Variants in RUSC2 observed in about 807,000 individuals in gnomAD.
The protein encoded by RUSC2 is AP-4 complex accessory subunit RUSC2.
In RUSC2, 34 loss-of-function variants were observed where a neutral mutation model predicts 122.2. That is an observed-to-expected ratio of 0.28 (90% CI 0.21 to 0.37). RUSC2 has a LOEUF of 0.37. Among genes scored for constraint, RUSC2 ranks in the 10% least tolerant of loss-of-function variants. The pLI is 1.00. For synonymous variants in RUSC2, 784 were observed against 790.0 expected, an observed-to-expected ratio of 0.99 and a Z score of 0.13; for missense variants, 1,747 against 1,952.4, an observed-to-expected ratio of 0.89 and a Z score of 1.98.
intron 1 of RUSC2, among the ~76,000 whole-genome samples, chr9:35,494,927 ATAAAATTTATATATAATATATAT>A (rs1315708313): frequency 7.6e-6 from 1 of 131,404 alleles, no homozygotes; most frequent in Non-Finnish European, 1.6e-5. Flanking sequence ...TACATATTAT[ATAAAATTTATATATAATATATAT>A]TATACATATA....
intron 1 of RUSC2, among the ~76,000 whole-genome samples, chr9:35,505,921 G>T (rs949987622): frequency 5.9e-5 from 9 of 152,118 alleles, no homozygotes; most frequent in African/African-American, 1.9e-4. Flanking sequence ...TTCTCTCTAA[G>T]ATCAGGAATA....
chr9:35,547,515 A>G lies in RUSC2; in HGVS notation c.994A>G (p.Lys332Glu), dbSNP rs1821782782. 1 of 1,614,092 alleles carries G rather than the reference A, an allele frequency of 6.2e-7. No individual in the cohort carries two copies. Among genetic ancestry groups the G allele is most frequent in the Non-Finnish European group, 8.5e-7 (1 of 1,180,020 alleles). The change falls in exon 2 of 12, where the codon AAG becomes GAG. Residue 332 changes from lysine (K) to glutamate (E), a missense_variant. By Grantham distance (56) the Lys-to-Glu change is moderately conservative (BLOSUM62 1). Transcript: ENST00000361226. The surrounding 1 kb of genome is among the most constrained non-coding windows in gnomAD (Gnocchi z 4.6). ...TCTGCAGCCCTCCCCATTTGAGTCT[A>G]AGATGTCTTATGAGTCCCATCACCC... is the stretch of plus-strand genomic sequence containing the variant. ...LDLQPSPFES[K>E]MSYESHHPES...
At position 35,555,980 on chromosome 9, in the gene RUSC2, G is replaced by A; in HGVS notation, c.2685G>A (p.Lys895=). ...NANHLSPQAL[K]WREYRRKNPL... is the part of the protein sequence containing the mutation. ...ACCACCTATCCCCTCAAGCCCTCAA[G>A]TGGCGGGAATACAGGAGGAAGAACC... Residue 895 remains lysine, a synonymous_variant, in exon 4 of 12, where the codon AAG becomes AAA. Transcript: ENST00000361226. This position sits in a 1 kb window ranked among gnomAD's most constrained non-coding sequence, Gnocchi z 4.6. 1 of 1,614,150 alleles carries A rather than the reference G, an allele frequency of 6.2e-7. No homozygotes were observed. Among genetic ancestry groups the A allele is most frequent in the South Asian group, 1.1e-5 (1 of 91,084 alleles).
chr9:35,535,771 A>G (rs888463784), intron 1 of RUSC2, among the ~76,000 whole-genome samples: 7 of 150,846 alleles, frequency 4.6e-5, no homozygotes, highest in African/African-American at 1.5e-4. Flanking sequence ...CAATCTCCTG[A>G]CCTCGTGATC....
chr9:35,494,620 C>T (rs1820638600), intron 1 of RUSC2, among the ~76,000 whole-genome samples: 1 of 151,890 alleles, frequency 6.6e-6, no homozygotes, highest in Non-Finnish European at 1.5e-5. Context: ...TATTCAAGTC[C>T]TTTGCCCATT....
intron 1 of RUSC2, among the ~76,000 whole-genome samples, chr9:35,521,163 C>G (rs1821207402): frequency 6.6e-6 from 1 of 152,082 alleles, no homozygotes; most frequent in African/African-American, 2.4e-5. Context: ...TTCCCTTGGG[C>G]TCCAGGTTTT....
intron 1 of RUSC2, among the ~76,000 whole-genome samples, chr9:35,537,897 G>A (rs750731910): frequency 8.5e-5 from 13 of 152,168 alleles, no homozygotes; most frequent in East Asian, 1.9e-4. Context: ...AGACCTCACC[G>A]CTACTTCCTG....
intron 1 of RUSC2, among the ~76,000 whole-genome samples, chr9:35,526,177 A>C (rs750951979): frequency 6.6e-6 from 1 of 152,164 alleles, no homozygotes; most frequent in Non-Finnish European, 1.5e-5. Flanking sequence ...AGGAAGACTC[A>C]GTAACCAATG....
chr9:35,560,189 G>A lies in RUSC2; in HGVS notation c.3549G>A (p.Gln1183=). Reference sequence around the variant, plus strand: ...AGCACCGGCTGCTGCAAAGTGGGCAGCAGCAGCGGCAGCACAAGGAACTGC... The same window carrying A: ...AGCACCGGCTGCTGCAAAGTGGGCAACAGCAGCGGCAGCACAAGGAACTGC... ...LFQHRLLQSG[Q]QQRQHKELLR... is the part of the protein sequence containing the mutation. Residue 1183 remains glutamine, a synonymous_variant, in exon 10 of 12, where the codon CAG becomes CAA. Transcript: ENST00000361226. 2 of 1,605,392 alleles carry A rather than the reference G, an allele frequency of 1.2e-6. No homozygotes were observed.
chr9:35,503,024 C>T (rs547353237), intron 1 of RUSC2, among the ~76,000 whole-genome samples: 5 of 152,100 alleles, frequency 3.3e-5, no homozygotes, highest in Middle Eastern at 3.4e-3. Flanking sequence ...CCATGGCCAA[C>T]TAATGTTTTG....
chr9:35,517,446 G>A (rs1012534520), intron 1 of RUSC2, among the ~76,000 whole-genome samples: 28 of 152,098 alleles, frequency 1.8e-4, no homozygotes, highest in African/African-American at 6.3e-4. Flanking sequence ...GTTCCAGTGA[G>A]TCCTGCTGCT....
At chr9:35,553,575 G>C (rs1254142411) in intron 2 of RUSC2, among the ~76,000 whole-genome samples, 3 of 152,244 alleles carry the variant, frequency 2.0e-5, no homozygotes, top group Non-Finnish European at 2.9e-5. Flanking sequence ...CGTAGTCAGA[G>C]AAGGTCTTAT....
Position 35,558,012 on chromosome 9 carries a change from G to C in RUSC2, c.3060+22G>C. ...GAAGGTAGGCAAGGAAATGTGGAGA[G>C]CTGAGCTCTGCCTGCAAGCCCTCAC... On this transcript the variant is annotated intron_variant, in intron 6 of 11. Coordinates refer to ENST00000361226, the MANE Select transcript of RUSC2 (RefSeq NM_014806.5). This position sits in a 1 kb window ranked among gnomAD's most constrained non-coding sequence, Gnocchi z 4.3. 2 of 1,611,106 alleles carry C rather than the reference G, an allele frequency of 1.2e-6. No individual in the cohort carries two copies. Among genetic ancestry groups the C allele is most frequent in the Non-Finnish European group, 1.7e-6 (2 of 1,177,232 alleles).
rs765335419 is a variant in RUSC2, at chr9:35,548,551, G to T, written c.2014+16G>T. The stretch of plus-strand genomic sequence containing the variant: ...AGAGCTGACGGTAAGGAGCCTAAGG[G>T]TTAGCAAATATGTGGCTATTCACCA... On this transcript the variant is annotated intron_variant, in intron 2 of 11. Coordinates refer to ENST00000361226, the MANE Select transcript of RUSC2 (RefSeq NM_014806.5). This position sits in a 1 kb window ranked among gnomAD's most constrained non-coding sequence, Gnocchi z 4.5. The T allele has an allele frequency of 3.2e-6, 5 of 1,586,946 alleles. No individual in the cohort carries two copies.
intron 1 of RUSC2, among the ~76,000 whole-genome samples, chr9:35,545,039 T>C (rs532678869): frequency 6.6e-5 from 10 of 152,338 alleles, no homozygotes; most frequent in African/African-American, 2.4e-4. Context: ...TGCTTAAATT[T>C]AACACAATTA....
At position 35,546,210 on chromosome 9, in the gene RUSC2, G is replaced by A. The variant is rs1170975053; in HGVS notation, c.-92-220G>A. Among the ~76,000 whole-genome samples, 1 of 152,178 alleles carries A rather than the reference G, an allele frequency of 6.6e-6. No individual in the cohort carries two copies. The highest frequency in any genetic ancestry group is 1.5e-5 in the Non-Finnish European group (1 of 68,030). On this transcript the variant is annotated intron_variant, in intron 1 of 11. Coordinates refer to ENST00000361226, the MANE Select transcript of RUSC2 (RefSeq NM_014806.5). This position sits in a 1 kb window ranked among gnomAD's most constrained non-coding sequence, Gnocchi z 4.3. ...CTTTTGTCATAATTTGATGCATAGTGACCTTAAAATTAAGGGGGACCTCAG... is the reference window on the plus strand; with the variant it reads ...CTTTTGTCATAATTTGATGCATAGTAACCTTAAAATTAAGGGGGACCTCAG...
At chr9:35,497,525 C>T (rs1820742781) in intron 1 of RUSC2, among the ~76,000 whole-genome samples, 2 of 152,186 alleles carry the variant, frequency 1.3e-5, no homozygotes, top group Non-Finnish European at 2.9e-5. Flanking sequence ...CTATATGCTA[C>T]TTCTCCTGAA....
Position 35,561,188 on chromosome 9 carries a change from C to T in RUSC2, c.4357C>T (p.Gln1453Ter), listed in dbSNP as rs1424744792. 2 of 1,614,006 alleles carry T rather than the reference C, an allele frequency of 1.2e-6. No individual in the cohort carries two copies. Among genetic ancestry groups the T allele is most frequent in the Non-Finnish European group, 1.7e-6 (2 of 1,179,960 alleles). Residue 1453 changes from glutamine to a stop codon, truncating the protein, a stop_gained, in exon 12 of 12, where the codon CAG becomes TAG. Coordinates refer to ENST00000361226, the MANE Select transcript of RUSC2 (RefSeq NM_014806.5). LOFTEE classifies it high-confidence loss of function. ...CATGTGCTGTTTCCCCAGTGAGGTG[C>T]AGGCACTGTGCCACCACCTGGCCAC... ...ALPSSPPCEV[Q>*]ALCHHLATGP... is the part of the protein sequence containing the mutation.
In RUSC2 at chr9:35,559,925, T is replaced by G. The variant is rs896610875; in HGVS notation, c.3389-104T>G. 4.2e-6 allele frequency: 4 copies of G among 943,810 alleles called. No homozygotes were observed. The East Asian group carries it at 9.7e-5, about 23-fold the overall frequency. 58.5% of individuals were successfully genotyped at this position (943,810 alleles called of 1,614,324 possible). A position where few individuals can be genotyped will look rare whatever the true frequency, so the allele number is the denominator to read the frequency against. On this transcript the variant is annotated intron_variant, in intron 9 of 11. Coordinates refer to ENST00000361226, the MANE Select transcript of RUSC2 (RefSeq NM_014806.5). ...CATGCAAGTTGACTAGTGCACAGCCTGCACCGCTGTCTGCAGCAGCTCTGC... is the reference window on the plus strand; with the variant it reads ...CATGCAAGTTGACTAGTGCACAGCCGGCACCGCTGTCTGCAGCAGCTCTGC...
Sources: gnomAD v4.1 joint callset for allele counts (sites outside exome capture counted in the v4.1 genomes callset) on GRCh38, gnomAD v4.1.1 for gene constraint, Gnocchi (gnomAD v3.1) non-coding constraint, MANE v1.5 for transcripts, NCBI Gene and HGNC (gene_info 2026-07-23, HGNC 2026-07-21) for gene names.